NSD1: variants seen among roughly 807,000 people sequenced by gnomAD.
NSD1 encodes histone-lysine N-methyltransferase, H3 lysine-36 specific.
A neutral mutation model predicts 242.7 loss-of-function variants in NSD1; 26 were observed. That is an observed-to-expected ratio of 0.11 (90% CI 0.08 to 0.15). The LOEUF (loss-of-function observed/expected upper bound fraction) is 0.15, where lower values mean the gene tolerates loss of function less well. Ranked by LOEUF, NSD1 falls within the 10% of genes least tolerant of loss-of-function variation. The probability of loss-of-function intolerance (pLI) is 1.00; values close to 1 mark genes in which losing one functional copy is unlikely to be tolerated. For synonymous variants in NSD1, 1,106 were observed against 1,178.1 expected (o/e 0.94, Z 1.25); for missense variants, 2,495 against 3,272.8 (o/e 0.76, Z 5.80).
At chr5:177,265,545 C>G in intron 14 of NSD1, 1 of 876,580 alleles carries the variant, frequency 1.1e-6, no homozygotes, top group Non-Finnish European at 1.9e-6. Context: ...GCCCCTGGGC[C>G]CGTGCAGGGC....
intron 9 of NSD1, among the ~76,000 whole-genome samples, chr5:177,245,656 G>A (rs112151161): frequency 4.5e-4 from 67 of 147,300 alleles, no homozygotes; most frequent in Admixed American, 8.1e-4. Context: ...TTTGGTTTGA[G>A]ATGGAGTCTG....
Position 177,238,138 on chromosome 5 carries a change from T to C in NSD1, c.3922-99T>C. The C allele has an allele frequency of 7.3e-7, 1 of 1,363,076 alleles. No individual in the cohort carries two copies. The highest frequency in any genetic ancestry group is 2.3e-5 in the East Asian group (1 of 43,732). The allele number at this position is 1,363,076 out of a possible 1,614,324, so 84.4% of individuals were successfully genotyped here. A position where few individuals can be genotyped will look rare whatever the true frequency, so the allele number is the denominator to read the frequency against. ...AAGGTTCATCCACTTTTTGTAGCCT[T>C]TGTCAGAATTTCATTCCTTTTAAAG... On this transcript the variant is annotated intron_variant, in intron 6 of 22. Coordinates refer to ENST00000439151, the MANE Select transcript of NSD1 (RefSeq NM_022455.5). This position sits in a 1 kb window ranked among gnomAD's most constrained non-coding sequence, Gnocchi z 4.6.
At chr5:177,167,823 G>A (rs768761722) in intron 2 of NSD1, among the ~76,000 whole-genome samples, 1 of 152,112 alleles carries the variant, frequency 6.6e-6, no homozygotes, top group African/African-American at 2.4e-5. Context: ...CGATATTTTC[G>A]ACTTATGATG....
At chr5:177,224,400 G>T (rs562091740) in intron 5 of NSD1, among the ~76,000 whole-genome samples, 1 of 151,890 alleles carries the variant, frequency 6.6e-6, no homozygotes, top group East Asian at 1.9e-4. Flanking sequence ...TTATTCCTAA[G>T]TATTTTAGTC....
At chr5:177,243,676 CAGGTCTG>C (rs1696833967) in intron 8 of NSD1, among the ~76,000 whole-genome samples, 1 of 152,188 alleles carries the variant, frequency 6.6e-6, no homozygotes, top group Admixed American at 6.5e-5. Context: ...GTGGTGTTCA[CAGGTCTG>C]TTGGAGCATT....
chr5:177,208,930 A>T (rs1194115290), intron 4 of NSD1, among the ~76,000 whole-genome samples: 1 of 151,876 alleles, frequency 6.6e-6, no homozygotes, highest in East Asian at 1.9e-4. Context: ...TCCTGACCTG[A>T]GGTGATTCGT....
At chr5:177,227,778 A>G (rs1300290704) in intron 5 of NSD1, among the ~76,000 whole-genome samples, 3 of 151,998 alleles carry the variant, frequency 2.0e-5, no homozygotes, top group African/African-American at 7.2e-5. Flanking sequence ...AACCTAAAAC[A>G]TGGAACAGAA....
chr5:177,281,323 A>G (rs1469053739), intron 18 of NSD1, among the ~76,000 whole-genome samples: 1 of 133,858 alleles, frequency 7.5e-6, no homozygotes, highest in Non-Finnish European at 1.6e-5. Flanking sequence ...AATAAATAAT[A>G]TTGTATAGTC....
At chr5:177,257,862 C>T (rs1363829279) in intron 13 of NSD1, among the ~76,000 whole-genome samples, 3 of 145,418 alleles carry the variant, frequency 2.1e-5, no homozygotes, top group Non-Finnish European at 3.0e-5. Flanking sequence ...GAGACGGAGT[C>T]TTGCTCTGTC....
Position 177,262,188 on chromosome 5 carries a change from C to T in NSD1, c.5146+2020C>T, listed in dbSNP as rs888730737. 2.6e-5 allele frequency among the ~76,000 whole-genome samples: 4 copies of T among 152,218 alleles called. No individual in the cohort carries two copies. The East Asian group carries it at 5.8e-4, about 22-fold the overall frequency. On this transcript the variant is annotated intron_variant, in intron 14 of 22. Transcript: ENST00000439151. The stretch of plus-strand genomic sequence containing the variant: ...TCCTCTGTAGGGCTGACTTTTTCTG[C>T]AGCCTGCCTCATTTTGTTTGATTTT...
intron 2 of NSD1, among the ~76,000 whole-genome samples, chr5:177,154,323 C>CTGGG (rs1164474516): frequency 6.6e-6 from 1 of 152,100 alleles, no homozygotes; most frequent in Non-Finnish European, 1.5e-5. Flanking sequence ...TACCATCAGG[C>CTGGG]TGGGATAATT....
At chr5:177,160,282 T>A (rs1345201432) in intron 2 of NSD1, among the ~76,000 whole-genome samples, 1 of 152,138 alleles carries the variant, frequency 6.6e-6, no homozygotes. Flanking sequence ...TTTACTTCAT[T>A]TTTTAATGTG....
intron 5 of NSD1, among the ~76,000 whole-genome samples, chr5:177,213,841 A>C (rs945657879): frequency 6.6e-6 from 1 of 152,184 alleles, no homozygotes; most frequent in Non-Finnish European, 1.5e-5. Flanking sequence ...ATCATACAAT[A>C]TATGGTCCTT....
rs1193606529 is a variant in NSD1 at position 177,238,735 on chromosome 5, GT to G, written c.4192+230del. ...TAATAACTATGCTCCTTGCTCCAGT[GT>G]TGCTCTTCATGATTGTTGATCAGCC... On this transcript the variant is annotated intron_variant, in intron 7 of 22. Transcript: ENST00000439151. The surrounding 1 kb of genome is among the most constrained non-coding windows in gnomAD (Gnocchi z 4.6). Among the ~76,000 whole-genome samples, 10 of 152,310 alleles carry G rather than the reference GT, an allele frequency of 6.6e-5. No homozygotes were observed. Among genetic ancestry groups the G allele is most frequent in the Admixed American group, 5.9e-4 (9 of 15,296 alleles).
rs1357324497 is a variant in NSD1, at chr5:177,297,149, C to T, written c.*1690C>T. 4.3e-6 allele frequency: 1 copy of T among 232,764 alleles called. No individual in the cohort carries two copies. Among genetic ancestry groups the T allele is most frequent in the Non-Finnish European group, 8.5e-6 (1 of 117,808 alleles). 14.4% of individuals were successfully genotyped at this position (232,764 alleles called of 1,614,324 possible). A position where few individuals can be genotyped will look rare whatever the true frequency, so the allele number is the denominator to read the frequency against. ...TGTCTCTGAGGTTGAGACACTTGAA[C>T]TCAGGCAGAGGGACGAGGCTGGGCA... On this transcript the variant is annotated 3_prime_UTR_variant, in exon 23 of 23. Transcript: ENST00000439151.
rs772634662 is a variant in NSD1 at position 177,292,205 on chromosome 5, ACTCAGGGT to A, written c.6463+52_6463+59del. ...TACCGCTACTCGTTCTCTCCATCAT[ACTCAGGGT>A]CTCATGCCATTTGCATCAGCCTTGA... On this transcript the variant is annotated intron_variant, in intron 22 of 22. Coordinates refer to ENST00000439151, the MANE Select transcript of NSD1 (RefSeq NM_022455.5). 6 of 1,589,062 alleles carry A rather than the reference ACTCAGGGT, an allele frequency of 3.8e-6. No individual in the cohort carries two copies. In the South Asian group the frequency reaches 6.7e-5, roughly 18 times the overall value.
chr5:177,203,928 T>TG (rs1372034659), intron 3 of NSD1, among the ~76,000 whole-genome samples, 192 bp from the exon 4 acceptor site: 2 of 152,234 alleles, frequency 1.3e-5, no homozygotes, highest in Admixed American at 6.5e-5. Flanking sequence ...TAACCTCCTG[T>TG]GTATTTTCTT....
intron 2 of NSD1, among the ~76,000 whole-genome samples, chr5:177,155,927 A>G (rs1758094168): frequency 6.6e-6 from 1 of 151,152 alleles, no homozygotes; most frequent in Non-Finnish European, 1.5e-5. Context: ...CTGGTCTCGA[A>G]CTCCTGACCT....
chr5:177,242,688 T>G (rs1239645734), intron 8 of NSD1, among the ~76,000 whole-genome samples: 1 of 151,876 alleles, frequency 6.6e-6, no homozygotes, highest in Non-Finnish European at 1.5e-5. Context: ...CCACCATGCC[T>G]GGCTAATTTT....
Sources: allele counts gnomAD v4.1 joint callset (sites outside exome capture counted in the v4.1 genomes callset), GRCh38; gene constraint gnomAD v4.1.1; non-coding constraint Gnocchi (gnomAD v3.1); transcripts MANE v1.5; gene names NCBI Gene and HGNC (gene_info 2026-07-23, HGNC 2026-07-21).